CTDSPL: variants seen among roughly 807,000 people sequenced by gnomAD.
CTDSPL encodes the protein CTD small phosphatase like, also known as CTD small phosphatase-like protein.
A neutral mutation model predicts 30.5 loss-of-function variants in CTDSPL; 8 were observed. The ratio of observed to expected loss-of-function variants is 0.26; its 90% CI spans 0.15 to 0.47. The LOEUF (loss-of-function observed/expected upper bound fraction) is 0.47. Among genes scored for constraint, CTDSPL ranks in the 20% least tolerant of loss-of-function variants. CTDSPL has a pLI of 0.99. For missense variants in CTDSPL, 248 were observed against 366.1 expected (o/e 0.68, Z 2.63); for synonymous variants, 110 against 137.9 (o/e 0.80, Z 1.42).
chr3:37,918,692 C>A (rs1698677257), intron 1 of CTDSPL, among the ~76,000 whole-genome samples: 1 of 152,122 alleles, frequency 6.6e-6, no homozygotes, highest in African/African-American at 2.4e-5. Flanking sequence ...GGATTGTATT[C>A]TTTAATTGTG....
intron 1 of CTDSPL, among the ~76,000 whole-genome samples, chr3:37,937,510 C>T (rs1461003415): frequency 6.6e-6 from 1 of 150,604 alleles, no homozygotes; most frequent in East Asian, 1.9e-4. Context: ...TAAGTTGAAG[C>T]AGCGCGAGAC....
In CTDSPL at chr3:37,982,132, G is replaced by T. The variant is rs551952101; in HGVS notation, c.*1265G>T. 2.2e-5 allele frequency: 7 copies of T among 323,390 alleles called. No homozygotes were observed. Among genetic ancestry groups the T allele is most frequent in the South Asian group, 1.5e-4 (6 of 40,048 alleles). The allele number at this position is 323,390 out of a possible 1,614,324, so 20.0% of individuals were successfully genotyped here. On this transcript the variant is annotated 3_prime_UTR_variant, in exon 8 of 8. Transcript: ENST00000273179. Reference sequence around the variant, plus strand: ...GTATCAGATCCTGTTTGATAAATAAGCTGACTGTTCTCTCTTGAGAACCTG... The same window carrying T: ...GTATCAGATCCTGTTTGATAAATAATCTGACTGTTCTCTCTTGAGAACCTG...
intron 1 of CTDSPL, among the ~76,000 whole-genome samples, chr3:37,900,898 A>G (rs1698442931): frequency 6.6e-6 from 1 of 152,130 alleles, no homozygotes; most frequent in Non-Finnish European, 1.5e-5. Context: ...TCCCAATTCA[A>G]GCAATTCTCC....
chr3:37,921,642 C>CACAA (rs1698717606), intron 1 of CTDSPL, among the ~76,000 whole-genome samples: 1 of 150,384 alleles, frequency 6.6e-6, no homozygotes, highest in Non-Finnish European at 1.5e-5. Flanking sequence ...CACACACACA[C>CACAA]ACTCACACAA....
intron 7 of CTDSPL, among the ~76,000 whole-genome samples, chr3:37,976,259 C>A (rs914733405): frequency 1.3e-5 from 2 of 152,124 alleles, no homozygotes; most frequent in Admixed American, 1.3e-4. Context: ...CTGGCAGTAA[C>A]CTCCTGGAGC....
At chr3:37,913,473 G>A (rs143844114) in intron 1 of CTDSPL, among the ~76,000 whole-genome samples, 2 of 152,316 alleles carry the variant, frequency 1.3e-5, no homozygotes, top group Non-Finnish European at 2.9e-5. Context: ...TCAGTAGGTA[G>A]CAAGACACAG....
At chr3:37,915,537 A>C (rs1374098911) in intron 1 of CTDSPL, among the ~76,000 whole-genome samples, 1 of 152,102 alleles carries the variant, frequency 6.6e-6, no homozygotes, top group African/African-American at 2.4e-5. Flanking sequence ...CATTTAGTTC[A>C]TTAATTTTTC....
Position 37,975,660 on chromosome 3 carries a change from G to A in CTDSPL, c.520-49G>A, listed in dbSNP as rs755879861. On this transcript the variant is annotated intron_variant, in intron 6 of 7. Transcript: ENST00000273179. The surrounding 1 kb of genome is among the most constrained non-coding windows in gnomAD (Gnocchi z 4.9). Reference sequence around the variant, plus strand: ...ATCTTGCTGCTGTAGTTCAGGGTTTGGGGGGCTCTTTTAAACACCCAGCCT... The same window carrying A: ...ATCTTGCTGCTGTAGTTCAGGGTTTAGGGGGCTCTTTTAAACACCCAGCCT... 2.0e-6 allele frequency: 3 copies of A among 1,522,204 alleles called. No individual in the cohort carries two copies. The highest frequency in any genetic ancestry group is 2.3e-5 in the East Asian group (1 of 43,728). The allele number at this position is 1,522,204 out of a possible 1,614,324, so 94.3% of individuals were successfully genotyped here. A position where few individuals can be genotyped will look rare whatever the true frequency, so the allele number is the denominator to read the frequency against.
intron 1 of CTDSPL, among the ~76,000 whole-genome samples, chr3:37,871,281 G>C (rs1381830442): frequency 6.6e-6 from 1 of 152,048 alleles, no homozygotes; most frequent in Admixed American, 6.6e-5. Flanking sequence ...TCTTTTCATG[G>C]CTTGTTAACT....
At chr3:37,902,833 C>T (rs1292204648) in intron 1 of CTDSPL, among the ~76,000 whole-genome samples, 3 of 152,160 alleles carry the variant, frequency 2.0e-5, no homozygotes, top group Non-Finnish European at 4.4e-5. Context: ...CTTTCCTCAA[C>T]ACAGGCCTGT....
intron 1 of CTDSPL, among the ~76,000 whole-genome samples, chr3:37,942,624 CAG>C (rs1219217709): frequency 1.3e-5 from 2 of 150,470 alleles, no homozygotes; most frequent in African/African-American, 4.8e-5. Flanking sequence ...GCCTGGGTGA[CAG>C]AGTGAGACCC....
chr3:37,952,185 GA>G (rs886138715), intron 2 of CTDSPL, among the ~76,000 whole-genome samples: 6 of 150,184 alleles, frequency 4.0e-5, no homozygotes, highest in African/African-American at 7.3e-5. Flanking sequence ...TTGAAAGAAA[GA>G]AAAAAAGAAA....
At chr3:37,976,037 G>A (rs938640893) in intron 7 of CTDSPL, 143 bp downstream of exon 7, 16 of 881,448 alleles carry the variant, frequency 1.8e-5, no homozygotes, top group South Asian at 3.7e-5. Context: ...TAGCAGTTGC[G>A]TGTCATTGAC....
At chr3:37,913,570 A>G (rs17037136) in intron 1 of CTDSPL, among the ~76,000 whole-genome samples, 4,219 of 152,314 alleles carry the variant, frequency 0.028, 189 homozygotes, top group African/African-American at 0.096. Flanking sequence ...TTTGAGTAGA[A>G]ATGAGAATTG....
chr3:37,873,657 C>T (rs542466645), intron 1 of CTDSPL, among the ~76,000 whole-genome samples: 1 of 152,184 alleles, frequency 6.6e-6, no homozygotes, highest in African/African-American at 2.4e-5. Context: ...TTAGACCTAC[C>T]CAAATTAAGT....
In CTDSPL at chr3:37,971,499, G is replaced by A; in HGVS notation, c.519G>A (p.Lys173=). 6 of 1,613,772 alleles carry A rather than the reference G, an allele frequency of 3.7e-6. No homozygotes were observed. Among genetic ancestry groups the A allele is most frequent in the Non-Finnish European group, 5.1e-6 (6 of 1,179,816 alleles). ...ECVLFTASLA[K]YADPVADLLD... The stretch of plus-strand genomic sequence containing the variant: ...TGCTCTTTACTGCCAGCTTGGCCAA[G>A]GTGAGTCCTGCTTCCCAGCCCCACA... The change falls in exon 6 of 8, where the codon AAG becomes AAA. Residue 173 remains lysine, a splice_region_variant and synonymous_variant. Coordinates refer to ENST00000273179, the MANE Select transcript of CTDSPL (RefSeq NM_001008392.2).
At chr3:37,950,006 A>G (rs1234038483) in intron 2 of CTDSPL, among the ~76,000 whole-genome samples, 2 of 152,260 alleles carry the variant, frequency 1.3e-5, no homozygotes, top group Non-Finnish European at 2.9e-5. Context: ...CATGAGGTCA[A>G]CTAGCCAGAA....
intron 6 of CTDSPL, among the ~76,000 whole-genome samples, chr3:37,974,787 A>G (rs1281872776): frequency 1.3e-5 from 2 of 152,124 alleles, no homozygotes; most frequent in Non-Finnish European, 2.9e-5. Context: ...CCATCCTGTC[A>G]CTCAGGGGCT....
At chr3:37,956,464 G>A (rs1289168026) in intron 2 of CTDSPL, among the ~76,000 whole-genome samples, 1 of 152,208 alleles carries the variant, frequency 6.6e-6, no homozygotes, top group Non-Finnish European at 1.5e-5. Flanking sequence ...CATCAATTAG[G>A]TTTGGAATGG....
Sources: gnomAD v4.1 joint callset for allele counts (sites outside exome capture counted in the v4.1 genomes callset) on GRCh38, gnomAD v4.1.1 for gene constraint, Gnocchi (gnomAD v3.1) non-coding constraint, MANE v1.5 for transcripts, NCBI Gene and HGNC (gene_info 2026-07-23, HGNC 2026-07-21) for gene names.